UNC13C: variants seen among roughly 807,000 people sequenced by gnomAD.
UNC13C encodes the protein unc-13 homolog C.
UNC13C carries 174 observed loss-of-function variants against 245.4 expected under a neutral mutation model. The ratio of observed to expected loss-of-function variants is 0.71; its 90% CI spans 0.63 to 0.80. The LOEUF is 0.80. UNC13C is among the 30% of genes least tolerant of loss of function. The pLI is 0.00. For missense variants in UNC13C, 2,829 were observed against 2,602.9 expected (o/e 1.09, Z -1.89); for synonymous variants, 992 against 895.1 (o/e 1.11, Z -1.93).
chr15:53,941,616 A>T, the UNC13C span, among the ~76,000 whole-genome samples: 1 of 152,192 alleles, frequency 6.6e-6, no homozygotes, highest in Admixed American at 6.5e-5. Context: ...AATCCCATTA[A>T]AAAGTAGGCA....
At chr15:54,009,280 A>G (rs1216723297) in intron 1 of UNC13C, among the ~76,000 whole-genome samples, 3 of 152,188 alleles carry the variant, frequency 2.0e-5, no homozygotes, top group Non-Finnish European at 4.4e-5. Context: ...CAGAATTCTT[A>G]GATTGCCCCC....
chr15:54,434,643 G>T (rs187168227), intron 19 of UNC13C, among the ~76,000 whole-genome samples: 18 of 151,690 alleles, frequency 1.2e-4, no homozygotes, highest in Non-Finnish European at 1.5e-5. Context: ...AGAAGAAAAC[G>T]TAGGCAATAC....
chr15:54,074,377 T>C (rs983597136), intron 2 of UNC13C, among the ~76,000 whole-genome samples: 2 of 152,228 alleles, frequency 1.3e-5, no homozygotes, highest in African/African-American at 4.8e-5. Flanking sequence ...TTTGGTTCCA[T>C]ATGAAATTTA....
chr15:54,552,826 A>ATTATAT (rs1566905329), intron 28 of UNC13C, among the ~76,000 whole-genome samples: 1 of 3,894 alleles, frequency 2.6e-4, no homozygotes, highest in African/African-American at 7.8e-4. Context: ...TATAATATAT[A>ATTATAT]ATTATATTAT....
chr15:54,295,553 A>T lies in UNC13C; in HGVS notation c.3988+1489A>T, dbSNP rs553339857. Among the ~76,000 whole-genome samples the T allele has an allele frequency of 9.2e-5, 14 of 152,216 alleles. No individual in the cohort carries two copies. The South Asian group carries it at 2.9e-3, about 32-fold the overall frequency. On this transcript the variant is annotated intron_variant, in intron 11 of 32. Transcript: ENST00000260323. ...GTAGTCCCAGCTACTCTGGAGGCTG[A>T]GGCAGGAGGATCACTCGAATCCAGG...
chr15:53,873,056 C>A, the UNC13C span, among the ~76,000 whole-genome samples: 1 of 152,104 alleles, frequency 6.6e-6, no homozygotes, highest in Non-Finnish European at 1.5e-5. Flanking sequence ...AAGATATTCC[C>A]AGCTGTTGCC....
At chr15:54,261,727 G>C (rs1237026794) in intron 8 of UNC13C, among the ~76,000 whole-genome samples, 1 of 152,102 alleles carries the variant, frequency 6.6e-6, no homozygotes, top group Admixed American at 6.6e-5. Flanking sequence ...TGTATTTTTA[G>C]TAGAGACAGA....
At chr15:54,480,358 T>C (rs2141061397) in intron 19 of UNC13C, among the ~76,000 whole-genome samples, 1 of 151,600 alleles carries the variant, frequency 6.6e-6, no homozygotes, top group African/African-American at 2.4e-5. Flanking sequence ...GTTTTGAATA[T>C]TTTGTCACTT....
chr15:54,075,009 T>C (rs1898520292), intron 2 of UNC13C, among the ~76,000 whole-genome samples: 1 of 152,094 alleles, frequency 6.6e-6, no homozygotes, highest in Non-Finnish European at 1.5e-5. Context: ...GTTTTTAGTA[T>C]CATCAATATC....
intron 2 of UNC13C, among the ~76,000 whole-genome samples, chr15:54,130,506 A>T (rs985631521): frequency 6.6e-6 from 1 of 151,780 alleles, no homozygotes; most frequent in African/African-American, 2.4e-5. Flanking sequence ...GTTAGCCAGG[A>T]TGGTCTCTAT....
chr15:54,359,046 A>T (rs557932786), intron 17 of UNC13C, among the ~76,000 whole-genome samples: 2 of 151,046 alleles, frequency 1.3e-5, no homozygotes, highest in Non-Finnish European at 3.0e-5. Context: ...ATTTTATAGA[A>T]TTTTTTTTCT....
chr15:53,961,996 T>A, the UNC13C span, among the ~76,000 whole-genome samples: 1 of 152,228 alleles, frequency 6.6e-6, no homozygotes, highest in Non-Finnish European at 1.5e-5. Flanking sequence ...TATTATCAAA[T>A]TTTAGGAGTT....
At chr15:54,235,222 T>C in intron 5 of UNC13C, 114 bp downstream of exon 5, 1 of 820,460 alleles carries the variant, frequency 1.2e-6, no homozygotes, top group South Asian at 1.7e-5. Flanking sequence ...GGAATAAAAA[T>C]ATATGAGGCC....
chr15:54,115,867 A>G (rs1230569243), intron 2 of UNC13C, among the ~76,000 whole-genome samples: 9 of 152,112 alleles, frequency 5.9e-5, no homozygotes, highest in Non-Finnish European at 7.4e-5. Context: ...TGATTTATAA[A>G]TTATGGTATG....
At chr15:54,612,245 G>A (rs1013449308) in intron 30 of UNC13C, among the ~76,000 whole-genome samples, 2 of 150,820 alleles carry the variant, frequency 1.3e-5, no homozygotes, top group Admixed American at 6.6e-5. Flanking sequence ...TTAGGTGGTT[G>A]TATTTGTTTA....
intron 28 of UNC13C, among the ~76,000 whole-genome samples, chr15:54,554,487 T>A (rs1897013729): frequency 6.6e-6 from 1 of 152,108 alleles, no homozygotes; most frequent in Non-Finnish European, 1.5e-5. Context: ...ACTGCTTTAC[T>A]CTTCATTCCA....
intron 4 of UNC13C, among the ~76,000 whole-genome samples, chr15:54,189,862 G>A (rs974294386): frequency 3.3e-5 from 5 of 151,988 alleles, no homozygotes; most frequent in Admixed American, 1.3e-4. Context: ...ACCCATTTTG[G>A]TAAAGATTCT....
rs577230200 is a variant in UNC13C at position 54,110,090 on chromosome 15, C to T, written c.2984-32928C>T. ...GCCAGGAGTTTAAGAACAGCCTGGCCGATATAGTGGAACCCAGTCTCTACT... is the reference window on the plus strand; with the variant it reads ...GCCAGGAGTTTAAGAACAGCCTGGCTGATATAGTGGAACCCAGTCTCTACT... On this transcript the variant is annotated intron_variant, in intron 2 of 32. Transcript: ENST00000260323. Among the ~76,000 whole-genome samples the T allele has an allele frequency of 1.9e-3, 281 of 151,858 alleles. 1 individual carries two copies. The highest frequency in any genetic ancestry group is 6.4e-3 in the African/African-American group (266 of 41,372).
chr15:54,112,152 C>G (rs1290217847), intron 2 of UNC13C, among the ~76,000 whole-genome samples: 1 of 152,194 alleles, frequency 6.6e-6, no homozygotes, highest in Non-Finnish European at 1.5e-5. Context: ...TTCCTCTTCA[C>G]AACTTATGAA....
Sources: allele counts gnomAD v4.1 joint callset (sites outside exome capture counted in the v4.1 genomes callset), GRCh38; gene constraint gnomAD v4.1.1; transcripts MANE v1.5; gene names NCBI Gene and HGNC (gene_info 2026-07-23, HGNC 2026-07-21).